Variants in SFXN5 observed in about 807,000 individuals in gnomAD.
SFXN5 encodes sideroflexin 5.
Under a neutral mutation model 50.2 loss-of-function variants are expected in SFXN5, and 43 were observed. That is an observed-to-expected ratio of 0.86 (90% CI 0.67 to 1.11). SFXN5 has a LOEUF of 1.11. SFXN5 is among the 50% of genes least tolerant of loss of function. SFXN5 has a pLI of 0.00. For missense variants in SFXN5, 463 were observed against 454.1 expected, an observed-to-expected ratio of 1.02 and a Z score of -0.18; for synonymous variants, 203 against 185.8, an observed-to-expected ratio of 1.09 and a Z score of -0.75.
rs919734887 is a variant in SFXN5, at chr2:72,953,978, G to A, written c.945+7153C>T. 2.0e-5 allele frequency among the ~76,000 whole-genome samples: 3 copies of A among 152,148 alleles called. No homozygotes were observed. The highest frequency in any genetic ancestry group is 7.2e-5 in the African/African-American group (3 of 41,414). ...CCCACATTTTTGCCCATACAGGGAG[G>A]GTATGCCTCTCTGTTTCTTAACCCT... On this transcript the variant is annotated intron_variant, in intron 13 of 13. Coordinates refer to ENST00000272433, the MANE Select transcript of SFXN5 (RefSeq NM_144579.3). The surrounding 1 kb of genome is among the most constrained non-coding windows in gnomAD (Gnocchi z 4.1).
chr2:73,058,885 T>G, intron 1 of SFXN5: 1 of 393,992 alleles, frequency 2.5e-6, no homozygotes, highest in Non-Finnish European at 4.4e-6. Context: ...AGATCTATTC[T>G]GAGCCTATTA....
intron 3 of SFXN5, among the ~76,000 whole-genome samples, chr2:73,033,751 C>T (rs1178053865): frequency 6.6e-6 from 1 of 152,202 alleles, no homozygotes; most frequent in Non-Finnish European, 1.5e-5. Context: ...ATGGCTTTTA[C>T]TCTAAGTGCA....
chr2:72,993,874 G>A (rs918632308), intron 9 of SFXN5, among the ~76,000 whole-genome samples: 3 of 152,122 alleles, frequency 2.0e-5, no homozygotes, highest in African/African-American at 7.2e-5. Flanking sequence ...AATATATGCC[G>A]CTGACTTGAC....
chr2:72,995,984 G>A (rs1468419790), intron 9 of SFXN5, among the ~76,000 whole-genome samples: 1 of 152,212 alleles, frequency 6.6e-6, no homozygotes. Context: ...CAAGGCCAGC[G>A]ATCAATCAGT....
At chr2:73,007,137 T>TA (rs1674787943) in intron 6 of SFXN5, among the ~76,000 whole-genome samples, 1 of 152,012 alleles carries the variant, frequency 6.6e-6, no homozygotes, top group Non-Finnish European at 1.5e-5. Context: ...GCAGGAGGGG[T>TA]AAGGCCACTG....
rs1420470634 is a variant in SFXN5 at position 73,057,562 on chromosome 2, G to T, written c.171+966C>A. On this transcript the variant is annotated intron_variant, in intron 2 of 13. Coordinates refer to ENST00000272433, the MANE Select transcript of SFXN5 (RefSeq NM_144579.3). ...CAGAAAGCAGATGATTGGTTGACAG[G>T]GGGTGAAGACAGGGAGGAATTGATT... Among the ~76,000 whole-genome samples the T allele has an allele frequency of 2.0e-5, 3 of 152,162 alleles. No individual in the cohort carries two copies. In the South Asian group the frequency reaches 6.2e-4, roughly 32 times the overall value.
chr2:73,070,896 G>C (rs1239119144), intron 1 of SFXN5: 2 of 152,384 alleles, frequency 1.3e-5, no homozygotes, highest in African/African-American at 4.8e-5. Context: ...GCCCCTCGGA[G>C]GGACGACGGC....
At chr2:72,959,026 C>G (rs1234648203) in intron 13 of SFXN5, among the ~76,000 whole-genome samples, 1 of 152,134 alleles carries the variant, frequency 6.6e-6, no homozygotes, top group Non-Finnish European at 1.5e-5. Flanking sequence ...GGGTCTCCAG[C>G]CCTCGCAGCC....
Position 72,971,645 on chromosome 2 carries a change from C to T in SFXN5, c.666G>A (p.Gly222=), listed in dbSNP as rs771461217. Residue 222 remains glycine (G), a synonymous_variant, in exon 11 of 14, where the codon GGG becomes GGA. Coordinates refer to ENST00000272433, the MANE Select transcript of SFXN5 (RefSeq NM_144579.3). ...NICNVVLMRY[G]ELEEGIDVLD... ...GGACATCAATCCCTTCCTCCAGCTCCCCGTACCGCATCAGGACCACATTGC... is the reference window on the plus strand; with the variant it reads ...GGACATCAATCCCTTCCTCCAGCTCTCCGTACCGCATCAGGACCACATTGC... 6.2e-7 allele frequency: 1 copy of T among 1,614,068 alleles called. No individual in the cohort carries two copies. Among genetic ancestry groups the T allele is most frequent in the Non-Finnish European group, 8.5e-7 (1 of 1,179,970 alleles).
chr2:73,059,594 C>T (rs962164052), intron 1 of SFXN5: 1 of 985,272 alleles, frequency 1.0e-6, no homozygotes, highest in African/African-American at 1.7e-5. Context: ...CACCAGTTCT[C>T]ATCCCACCTC....
At position 72,942,812 on chromosome 2, in the gene SFXN5, C is replaced by T. The variant is rs913308488; in HGVS notation, c.*2210G>A. The T allele has an allele frequency of 6.6e-6, 1 of 152,188 alleles. No individual in the cohort carries two copies. Among genetic ancestry groups the T allele is most frequent in the African/African-American group, 2.4e-5 (1 of 41,408 alleles). 9.4% of individuals were successfully genotyped at this position (152,188 alleles called of 1,614,324 possible). On this transcript the variant is annotated 3_prime_UTR_variant, in exon 14 of 14. Transcript: ENST00000272433. ...GCAAATGAGTTATGAGATGCTGAGG[C>T]CACAGGCTGGGCCAGGGCACCAGGC...
chr2:73,044,390 C>G (rs1680037583), intron 2 of SFXN5: 1 of 152,328 alleles, frequency 6.6e-6, no homozygotes, highest in Non-Finnish European at 1.5e-5. Flanking sequence ...GCTGAGGCTC[C>G]AGGCCTGTAG....
At chr2:72,959,882 T>C (rs956928928) in intron 13 of SFXN5, among the ~76,000 whole-genome samples, 2 of 152,134 alleles carry the variant, frequency 1.3e-5, no homozygotes, top group African/African-American at 4.8e-5. Context: ...TGGACCTGTC[T>C]TTCTCATTTT....
In SFXN5 at chr2:73,060,703, CT is replaced by C. The variant is rs61079585; in HGVS notation, c.103-2108del. Among the ~76,000 whole-genome samples the C allele has an allele frequency of 5.8e-3, 814 of 139,724 alleles. 3 individuals carry two copies. The highest frequency in any genetic ancestry group is 6.9e-3 in the Admixed American group (97 of 13,990). 91.7% of individuals were successfully genotyped at this position (139,724 alleles called of 152,430 possible). On this transcript the variant is annotated intron_variant, in intron 1 of 13. Transcript: ENST00000272433. ...GGTTATATAAGAGAATGTCCTTGTT[CT>C]TTTTTTTTTTTTTTTAAGACAGGGT...
intron 9 of SFXN5, 62 bp downstream of exon 9, chr2:72,998,887 A>G (rs1266836556): frequency 3.2e-6 from 5 of 1,565,114 alleles, no homozygotes; most frequent in African/African-American, 1.4e-5. Flanking sequence ...TCCACCTGCA[A>G]TGCTGAGCGG....
chr2:72,952,473 C>A (rs1406332477), intron 13 of SFXN5, among the ~76,000 whole-genome samples: 1 of 152,208 alleles, frequency 6.6e-6, no homozygotes, highest in African/African-American at 2.4e-5. Context: ...ATGCCTTGTG[C>A]ACAGTAGGTC....
At chr2:72,952,953 A>C (rs1672694740) in intron 13 of SFXN5, among the ~76,000 whole-genome samples, 1 of 152,086 alleles carries the variant, frequency 6.6e-6, no homozygotes, top group South Asian at 2.1e-4. Context: ...CTGCACAACC[A>C]AGCCTTCTCC....
chr2:72,966,444 G>T (rs964248406), intron 12 of SFXN5, among the ~76,000 whole-genome samples: 4 of 152,144 alleles, frequency 2.6e-5, no homozygotes, highest in African/African-American at 9.7e-5. Context: ...AAGGGGCTAC[G>T]TATACGAGAG....
intron 2 of SFXN5, among the ~76,000 whole-genome samples, chr2:73,057,176 T>C (rs947080854): frequency 1.3e-5 from 2 of 152,128 alleles, no homozygotes; most frequent in Non-Finnish European, 2.9e-5. Context: ...TCTCACTCTG[T>C]TACTCAGGCT....
Sources: allele counts gnomAD v4.1 joint callset (sites outside exome capture counted in the v4.1 genomes callset), GRCh38; gene constraint gnomAD v4.1.1; non-coding constraint Gnocchi (gnomAD v3.1); transcripts MANE v1.5; gene names NCBI Gene and HGNC (gene_info 2026-07-23, HGNC 2026-07-21).